The following SLC4A10 variants were observed in gnomAD, a reference collection of about 807,000 sequenced individuals.
The protein encoded by SLC4A10 is sodium-driven chloride bicarbonate exchanger.
Under a neutral mutation model 137.7 loss-of-function variants are expected in SLC4A10, and 42 were observed. That is an observed-to-expected ratio of 0.30 (90% CI 0.24 to 0.39). The LOEUF (loss-of-function observed/expected upper bound fraction) is 0.39. SLC4A10 is among the 10% of genes least tolerant of loss of function. The pLI, the probability that SLC4A10 is intolerant of heterozygous loss-of-function variation, is 1.00. For missense variants in SLC4A10, 925 were observed against 1,355.0 expected, an observed-to-expected ratio of 0.68 and a Z score of 4.98; for synonymous variants, 474 against 464.1, an observed-to-expected ratio of 1.02 and a Z score of -0.27.
At chr2:161,886,750 G>T (rs6744713) in intron 10 of SLC4A10, among the ~76,000 whole-genome samples, 46,950 of 151,630 alleles carry the variant, frequency 0.31, 7,582 homozygotes, top group Admixed American at 0.4. Flanking sequence ...AAATTGTTTG[G>T]TGGCTGTCTC....
At chr2:161,971,576 C>A (rs932405884) in intron 23 of SLC4A10, among the ~76,000 whole-genome samples, 3 of 152,182 alleles carry the variant, frequency 2.0e-5, no homozygotes, top group Non-Finnish European at 4.4e-5. Context: ...TAGCTTTATG[C>A]TCTCGCTGTC....
rs921005166 is a variant in SLC4A10, at chr2:161,914,376, C to T, written c.1997+8489C>T. Among the ~76,000 whole-genome samples the T allele has an allele frequency of 1.2e-4, 18 of 152,264 alleles. No individual in the cohort carries two copies. The South Asian group carries it at 1.2e-3, about 11-fold the overall frequency. On this transcript the variant is annotated intron_variant, in intron 15 of 26. Coordinates refer to ENST00000446997, the MANE Select transcript of SLC4A10 (RefSeq NM_001178015.2). ...ACCAAAAAAACTATCATTATTAATT[C>T]TCTCTCTACAAGACTGTTTAAATAT...
chr2:161,977,892 T>C (rs946409113), intron 26 of SLC4A10, 132 bp downstream of exon 26: 1 of 660,572 alleles, frequency 1.5e-6, no homozygotes, highest in African/African-American at 1.9e-5. Context: ...AGTGTTGGGC[T>C]CAGATCCAGT....
intron 1 of SLC4A10, among the ~76,000 whole-genome samples, chr2:161,660,576 C>CTTTCT (rs1553479766): frequency 7.9e-6 from 1 of 127,056 alleles, no homozygotes; most frequent in Non-Finnish European, 1.8e-5. Context: ...TTCTTTCTTT[C>CTTTCT]TTTCTTTCTT....
chr2:161,913,490 A>G (rs377411454), intron 15 of SLC4A10, among the ~76,000 whole-genome samples: 19 of 152,318 alleles, frequency 1.2e-4, no homozygotes, highest in African/African-American at 4.3e-4. Flanking sequence ...TCTTATAACT[A>G]TGTTGCAATT....
At chr2:161,872,557 CAAAA>C (rs5835886) in intron 7 of SLC4A10, among the ~76,000 whole-genome samples, 173 bp downstream of exon 7, 1 of 128,938 alleles carries the variant, frequency 7.8e-6, no homozygotes, top group Admixed American at 7.6e-5. Flanking sequence ...TTTGCCTATT[CAAAA>C]AAAAAAAAAA....
intron 1 of SLC4A10, among the ~76,000 whole-genome samples, chr2:161,731,450 A>G (rs1347748319): frequency 2.0e-5 from 3 of 152,170 alleles, no homozygotes; most frequent in African/African-American, 7.2e-5. Context: ...AACATTAGAC[A>G]CAAGAATTGG....
At chr2:161,875,017 G>T (rs573815841) in intron 8 of SLC4A10, among the ~76,000 whole-genome samples, 2 of 152,274 alleles carry the variant, frequency 1.3e-5, no homozygotes, top group South Asian at 4.1e-4. Context: ...GAATGTTTTG[G>T]TCTCCACTGG....
chr2:161,883,666 T>C (rs971465477), intron 10 of SLC4A10, among the ~76,000 whole-genome samples: 6 of 152,132 alleles, frequency 3.9e-5, no homozygotes, highest in African/African-American at 1.4e-4. Flanking sequence ...CTTCGAAGTC[T>C]CTAGGGGAGG....
chr2:161,722,519 T>C (rs2045793046), intron 1 of SLC4A10, among the ~76,000 whole-genome samples: 1 of 152,176 alleles, frequency 6.6e-6, no homozygotes, highest in African/African-American at 2.4e-5. Context: ...CTTGGAGGTG[T>C]CACCAGTGGA....
At chr2:161,879,951 C>T (rs2061662610) in intron 9 of SLC4A10, among the ~76,000 whole-genome samples, 2 of 151,932 alleles carry the variant, frequency 1.3e-5, no homozygotes, top group Admixed American at 1.3e-4. Context: ...ATGCTTTTCT[C>T]ATTTTTTAGA....
intron 1 of SLC4A10, among the ~76,000 whole-genome samples, chr2:161,699,359 A>G (rs1000473964): frequency 6.6e-6 from 1 of 151,934 alleles, no homozygotes; most frequent in Non-Finnish European, 1.5e-5. Flanking sequence ...CACCTTTGAA[A>G]TTGTTCTTTT....
At chr2:161,946,653 T>C (rs145449108) in intron 16 of SLC4A10, among the ~76,000 whole-genome samples, 224 of 152,110 alleles carry the variant, frequency 1.5e-3, no homozygotes, top group African/African-American at 5.1e-3. Context: ...ATAACTTTTT[T>C]TCATTCAAAA....
intron 1 of SLC4A10, among the ~76,000 whole-genome samples, chr2:161,719,571 C>T (rs1333772600): frequency 7.2e-5 from 11 of 151,990 alleles, no homozygotes; most frequent in Non-Finnish European, 1.3e-4. Flanking sequence ...CTGTTGTTTC[C>T]TGACTTTTTA....
At chr2:161,772,009 T>G (rs1035017778) in intron 2 of SLC4A10, among the ~76,000 whole-genome samples, 5 of 151,870 alleles carry the variant, frequency 3.3e-5, no homozygotes, top group African/African-American at 1.2e-4. Context: ...GATCTTATCT[T>G]TAGTCACAAC....
intron 1 of SLC4A10, among the ~76,000 whole-genome samples, chr2:161,737,126 T>C (rs1295638017): frequency 1.3e-5 from 2 of 152,138 alleles, no homozygotes; most frequent in Non-Finnish European, 2.9e-5. Flanking sequence ...CCCAAAGTGC[T>C]TTGATCACAA....
chr2:161,713,782 G>T (rs2044547877), intron 1 of SLC4A10, among the ~76,000 whole-genome samples: 1 of 151,792 alleles, frequency 6.6e-6, no homozygotes, highest in South Asian at 2.1e-4. Flanking sequence ...AAATCATAAA[G>T]TAAACCATGT....
intron 1 of SLC4A10, among the ~76,000 whole-genome samples, chr2:161,729,905 T>C (rs2125172656): frequency 6.6e-6 from 1 of 152,338 alleles, no homozygotes; most frequent in South Asian, 2.1e-4. Context: ...GGTCCTCTTT[T>C]ATTTGTAACA....
intron 12 of SLC4A10, 42 bp downstream of exon 12, chr2:161,901,053 ACATAC>A (rs1273186578): frequency 7.3e-7 from 1 of 1,374,920 alleles, no homozygotes; most frequent in East Asian, 2.5e-5. Context: ...GGACCAAATG[ACATAC>A]CATTCTTCTC....
Sources: gnomAD v4.1 joint callset for allele counts (sites outside exome capture counted in the v4.1 genomes callset) on GRCh38, gnomAD v4.1.1 for gene constraint, MANE v1.5 for transcripts, NCBI Gene and HGNC (gene_info 2026-07-23, HGNC 2026-07-21) for gene names.